The following SDK1 variants were observed in gnomAD, a reference collection of about 807,000 sequenced individuals.
The protein encoded by SDK1 is sidekick cell adhesion molecule 1.
SDK1 carries 157 observed loss-of-function variants against 245.5 expected under a neutral mutation model. The ratio of observed to expected loss-of-function variants is 0.64; its 90% CI spans 0.56 to 0.73. SDK1 has a LOEUF of 0.73. Ranked by LOEUF, SDK1 falls within the 30% of genes least tolerant of loss-of-function variation. SDK1 has a pLI of 0.00. For synonymous variants in SDK1, 1,647 were observed against 1,278.5 expected (o/e 1.29, Z -6.15); for missense variants, 3,583 against 3,002.3 (o/e 1.19, Z -4.52).
At chr7:3,395,833 CTCTT>C (rs1393815887) in intron 1 of SDK1, among the ~76,000 whole-genome samples, 2 of 151,806 alleles carry the variant, frequency 1.3e-5, no homozygotes, top group Non-Finnish European at 2.9e-5. Context: ...GTAATCATCT[CTCTT>C]TCATTCCTGA....
rs192609099 is a variant in SDK1, at chr7:4,205,113, C to T, written c.5099-766C>T. Among the ~76,000 whole-genome samples, 1,048 of 140,546 alleles carry T rather than the reference C, an allele frequency of 7.5e-3. 21 individuals carry two copies. Among genetic ancestry groups the T allele is most frequent in the Non-Finnish European group, 0.01 (675 of 64,644 alleles). The allele number at this position is 140,546 out of a possible 152,430, so 92.2% of individuals were successfully genotyped here. A position where few individuals can be genotyped will look rare whatever the true frequency, so the allele number is the denominator to read the frequency against. On this transcript the variant is annotated intron_variant, in intron 35 of 44. Coordinates refer to ENST00000404826, the MANE Select transcript of SDK1 (RefSeq NM_152744.4). ...CCAGTGAGCTCCTCCCCAGGGGGAG[C>T]GAGGGGGCTGGAGGGGAAGACTGGA... is the stretch of plus-strand genomic sequence containing the variant.
chr7:3,919,906 G>A (rs1779527634), intron 5 of SDK1, among the ~76,000 whole-genome samples: 2 of 152,154 alleles, frequency 1.3e-5, no homozygotes, highest in Non-Finnish European at 2.9e-5. Context: ...CCAATCAGAT[G>A]TGACCAGTGG....
chr7:3,995,746 T>C (rs1784654593), intron 14 of SDK1, among the ~76,000 whole-genome samples: 1 of 152,198 alleles, frequency 6.6e-6, no homozygotes, highest in Non-Finnish European at 1.5e-5. Context: ...GCCAAGTCGG[T>C]TGGCTTTGAG....
intron 4 of SDK1, chr7:3,643,776 C>G (rs1051359083): frequency 1.1e-4 from 16 of 151,770 alleles, no homozygotes; most frequent in African/African-American, 3.9e-4. Context: ...CCCACCCCCA[C>G]CTGAGCATCT....
intron 1 of SDK1, among the ~76,000 whole-genome samples, chr7:3,493,581 C>T (rs1781930344): frequency 6.6e-6 from 1 of 152,154 alleles, no homozygotes; most frequent in Non-Finnish European, 1.5e-5. Flanking sequence ...GACTTTCTTG[C>T]ACTATTATTT....
intron 1 of SDK1, among the ~76,000 whole-genome samples, chr7:3,574,783 A>G (rs1780232395): frequency 6.6e-6 from 1 of 152,150 alleles, no homozygotes; most frequent in Non-Finnish European, 1.5e-5. Flanking sequence ...CAAAGGCAGA[A>G]ATAAGGAGAC....
chr7:3,775,704 G>A (rs972951125), intron 4 of SDK1, among the ~76,000 whole-genome samples: 1 of 151,676 alleles, frequency 6.6e-6, no homozygotes, highest in Admixed American at 6.6e-5. Context: ...AGCCTCCCGA[G>A]TAGCTGGGAC....
At chr7:3,458,749 C>A (rs1257085562) in intron 1 of SDK1, among the ~76,000 whole-genome samples, 3 of 152,102 alleles carry the variant, frequency 2.0e-5, no homozygotes, top group Non-Finnish European at 4.4e-5. Context: ...CGCAGTGTCA[C>A]CTTTGTCCTA....
At chr7:3,888,590 C>G (rs989197521) in intron 5 of SDK1, among the ~76,000 whole-genome samples, 2 of 152,164 alleles carry the variant, frequency 1.3e-5, no homozygotes, top group Non-Finnish European at 2.9e-5. Flanking sequence ...TATATCATCA[C>G]AGAACAATAG....
intron 1 of SDK1, among the ~76,000 whole-genome samples, chr7:3,399,783 C>T (rs1309230045): frequency 6.6e-6 from 1 of 152,096 alleles, no homozygotes; most frequent in African/African-American, 2.4e-5. Flanking sequence ...ATGGCTCTTT[C>T]CTCGGCTTGT....
intron 5 of SDK1, among the ~76,000 whole-genome samples, chr7:3,908,111 G>A (rs755683599): frequency 6.6e-6 from 1 of 152,132 alleles, no homozygotes; most frequent in Non-Finnish European, 1.5e-5. Flanking sequence ...GTAATGTGCT[G>A]GCTTCTGTGA....
intron 5 of SDK1, among the ~76,000 whole-genome samples, chr7:3,825,377 A>C (rs1021029754): frequency 6.6e-6 from 1 of 151,980 alleles, no homozygotes; most frequent in African/African-American, 2.4e-5. Context: ...ACAGTGGTTA[A>C]TCAGTCATTG....
intron 4 of SDK1, among the ~76,000 whole-genome samples, chr7:3,732,757 C>T (rs1583353071): frequency 6.6e-6 from 1 of 152,162 alleles, no homozygotes; most frequent in East Asian, 1.9e-4. Flanking sequence ...ATTCAAGATG[C>T]CATAGCAGCT....
At chr7:3,428,953 G>A (rs1354130847) in intron 1 of SDK1, among the ~76,000 whole-genome samples, 2 of 152,214 alleles carry the variant, frequency 1.3e-5, no homozygotes, top group African/African-American at 2.4e-5. Flanking sequence ...GGGTAGGGAT[G>A]TTAATGACTG....
At chr7:4,067,286 G>A (rs1387412715) in intron 19 of SDK1, among the ~76,000 whole-genome samples, 1 of 152,216 alleles carries the variant, frequency 6.6e-6, no homozygotes, top group Non-Finnish European at 1.5e-5. Flanking sequence ...AAGCTCCTGG[G>A]AAAGGAATTT....
intron 1 of SDK1, among the ~76,000 whole-genome samples, chr7:3,400,943 G>C (rs148969386): frequency 1.3e-5 from 2 of 151,186 alleles, no homozygotes; most frequent in Non-Finnish European, 3.0e-5. Context: ...TCAGCTGGCC[G>C]AACTCCAGTG....
At chr7:3,493,609 AT>A (rs1311776621) in intron 1 of SDK1, among the ~76,000 whole-genome samples, 3 of 152,228 alleles carry the variant, frequency 2.0e-5, no homozygotes, top group African/African-American at 7.2e-5. Context: ...GGAAAGCAGA[AT>A]TATAGAAAAG....
At chr7:4,019,732 G>A (rs1320925496) in intron 17 of SDK1, among the ~76,000 whole-genome samples, 2 of 152,008 alleles carry the variant, frequency 1.3e-5, no homozygotes, top group Non-Finnish European at 2.9e-5. Context: ...TGACATTGGG[G>A]GTTGGTATAC....
chr7:3,911,008 C>T (rs1779143501), intron 5 of SDK1, among the ~76,000 whole-genome samples: 1 of 152,220 alleles, frequency 6.6e-6, no homozygotes, highest in Admixed American at 6.5e-5. Context: ...CGCTCTCCTC[C>T]AGCGCCACTG....
Sources: allele counts gnomAD v4.1 joint callset (sites outside exome capture counted in the v4.1 genomes callset), GRCh38; gene constraint gnomAD v4.1.1; transcripts MANE v1.5; gene names NCBI Gene and HGNC (gene_info 2026-07-23, HGNC 2026-07-21).